AKAP10: variants seen among roughly 807,000 people sequenced by gnomAD.
AKAP10 encodes the protein A-kinase anchoring protein 10, also known as A-kinase anchor protein 10, mitochondrial.
In AKAP10, 24 loss-of-function variants were observed where a neutral mutation model predicts 80.8. The ratio of observed to expected loss-of-function variants is 0.30; its 90% CI spans 0.22 to 0.42. The LOEUF is 0.42. AKAP10 is among the 10% of genes least tolerant of loss of function. AKAP10 has a pLI of 1.00. For synonymous variants in AKAP10, 291 were observed against 277.7 expected (o/e 1.05, Z -0.48); for missense variants, 661 against 794.9 (o/e 0.83, Z 2.03).
intron 10 of AKAP10, among the ~76,000 whole-genome samples, chr17:19,931,544 C>T (rs1330422119): frequency 6.6e-6 from 1 of 151,950 alleles, no homozygotes; most frequent in Non-Finnish European, 1.5e-5. Flanking sequence ...GTGCCTGCCA[C>T]CATGCCCGGC....
At chr17:19,973,013 T>A (rs1183550543) in intron 1 of AKAP10, among the ~76,000 whole-genome samples, 1 of 152,136 alleles carries the variant, frequency 6.6e-6, no homozygotes, top group Non-Finnish European at 1.5e-5. Context: ...GCTTTAAGAC[T>A]CCGTCACCCT....
At position 19,905,926 on chromosome 17, in the gene AKAP10, G is replaced by A; in HGVS notation, c.*301C>T. The A allele has an allele frequency of 2.7e-6, 1 of 374,092 alleles. No individual in the cohort carries two copies. The highest frequency in any genetic ancestry group is 5.0e-6 in the Non-Finnish European group (1 of 201,130). The allele number at this position is 374,092 out of a possible 1,614,324, so 23.2% of individuals were successfully genotyped here. The stretch of plus-strand genomic sequence containing the variant: ...GATGTGGTCCCTGTCTATTCCAGTA[G>A]GCTAAAACACTCTCATAAATGGGTT... On this transcript the variant is annotated 3_prime_UTR_variant, in exon 15 of 15. Coordinates refer to ENST00000225737, the MANE Select transcript of AKAP10 (RefSeq NM_007202.4).
At chr17:19,957,592 A>G (rs1009733550) in intron 4 of AKAP10, among the ~76,000 whole-genome samples, 6 of 152,222 alleles carry the variant, frequency 3.9e-5, no homozygotes, top group African/African-American at 1.4e-4. Flanking sequence ...ACTAATAAAT[A>G]AAATCCAAAT....
chr17:19,953,806 C>CT (rs2043241689), intron 4 of AKAP10, among the ~76,000 whole-genome samples: 1 of 152,024 alleles, frequency 6.6e-6, no homozygotes, highest in Non-Finnish European at 1.5e-5. Flanking sequence ...CCAAGGTGGG[C>CT]TAATCACTTG....
chr17:19,906,111 A>G lies in AKAP10; in HGVS notation c.*116T>C. 2 of 1,171,182 alleles carry G rather than the reference A, an allele frequency of 1.7e-6. No individual in the cohort carries two copies. The highest frequency in any genetic ancestry group is 2.5e-6 in the Non-Finnish European group (2 of 808,670). 72.5% of individuals were successfully genotyped at this position (1,171,182 alleles called of 1,614,324 possible). On this transcript the variant is annotated 3_prime_UTR_variant, in exon 15 of 15. Transcript: ENST00000225737. ...TGTCTCCCATTCTCTCCTGGAAACA[A>G]CAGTGACAGATCAGAAATATAGTGC...
At chr17:19,910,487 T>A (rs1249637105) in intron 12 of AKAP10, among the ~76,000 whole-genome samples, 1 of 152,222 alleles carries the variant, frequency 6.6e-6, no homozygotes, top group African/African-American at 2.4e-5. Context: ...ACAGAGCATT[T>A]AACTTGCAAA....
At position 19,906,019 on chromosome 17, in the gene AKAP10, C is replaced by CA. The variant is rs2042628572; in HGVS notation, c.*207dup. ...TACCATTTTGTATCTTTAAGACTCT[C>CA]ACTGTGTGAACATCATGTGCATCAA... On this transcript the variant is annotated 3_prime_UTR_variant, in exon 15 of 15. Coordinates refer to ENST00000225737, the MANE Select transcript of AKAP10 (RefSeq NM_007202.4). 2 of 565,808 alleles carry CA rather than the reference C, an allele frequency of 3.5e-6. No homozygotes were observed. The highest frequency in any genetic ancestry group is 2.7e-4 in the Middle Eastern group (1 of 3,752). The allele number at this position is 565,808 out of a possible 1,614,324, so 35.0% of individuals were successfully genotyped here. A position where few individuals can be genotyped will look rare whatever the true frequency, so the allele number is the denominator to read the frequency against.
intron 1 of AKAP10, among the ~76,000 whole-genome samples, chr17:19,974,469 T>A (rs759342083): frequency 1.8e-4 from 28 of 152,138 alleles, no homozygotes; most frequent in Non-Finnish European, 2.8e-4. Flanking sequence ...CAATTCTTCT[T>A]CCAATGTGGC....
chr17:19,910,779 T>G (rs1050211180), intron 12 of AKAP10, among the ~76,000 whole-genome samples: 3 of 151,986 alleles, frequency 2.0e-5, no homozygotes, highest in Admixed American at 2.0e-4. Flanking sequence ...TCTAGTTCTC[T>G]AGTCTATATA....
intron 8 of AKAP10, 50 bp from the exon 9 acceptor site, chr17:19,936,480 A>T: frequency 1.3e-6 from 2 of 1,523,080 alleles, no homozygotes; most frequent in Non-Finnish European, 1.8e-6. Context: ...AGCAAGTATA[A>T]GCAACTTTCA....
chr17:19,957,274 G>C (rs1158439557), intron 4 of AKAP10, among the ~76,000 whole-genome samples: 1 of 151,356 alleles, frequency 6.6e-6, no homozygotes, highest in Non-Finnish European at 1.5e-5. Context: ...GGGCGCGGTG[G>C]CTCATGCCTG....
intron 3 of AKAP10, among the ~76,000 whole-genome samples, chr17:19,959,587 C>T (rs187701829): frequency 3.5e-4 from 54 of 152,162 alleles, no homozygotes; most frequent in Non-Finnish European, 5.9e-4. Context: ...TGAAACTAAA[C>T]TTAATAAAAA....
rs539281238 is a variant in AKAP10 at position 19,962,293 on chromosome 17, T to TAC, written c.319+546_319+547insGT. Among the ~76,000 whole-genome samples the TAC allele has an allele frequency of 6.9e-3, 912 of 132,096 alleles. 9 individuals carry two copies. Among genetic ancestry groups the TAC allele is most frequent in the African/African-American group, 0.022 (749 of 34,480 alleles). 86.7% of individuals were successfully genotyped at this position (132,096 alleles called of 152,430 possible). A position where few individuals can be genotyped will look rare whatever the true frequency, so the allele number is the denominator to read the frequency against. On this transcript the variant is annotated intron_variant, in intron 3 of 14. Coordinates refer to ENST00000225737, the MANE Select transcript of AKAP10 (RefSeq NM_007202.4). The stretch of plus-strand genomic sequence containing the variant: ...ATACATACATACATACATACATACA[T>TAC]ATACACACACACACACACACACACA...
At chr17:19,924,293 G>T in intron 11 of AKAP10, 115 bp downstream of exon 11, 1 of 691,008 alleles carries the variant, frequency 1.4e-6, no homozygotes, top group Non-Finnish European at 2.3e-6. Context: ...CACTCTAAGT[G>T]AAAGTTCTGG....
rs376458631 is a variant in AKAP10 at position 19,936,450 on chromosome 17, G to A, written c.1323-20C>T. ...AAGTACCTATGGTAAAAAGATATCC[G>A]AAGTAAAATCAAATTCCATAGCAAG... On this transcript the variant is annotated intron_variant, in intron 8 of 14. Coordinates refer to ENST00000225737, the MANE Select transcript of AKAP10 (RefSeq NM_007202.4). 1.6e-4 allele frequency: 258 copies of A among 1,584,352 alleles called. 4 individuals are homozygous for A. Among genetic ancestry groups the A allele is most frequent in the South Asian group, 1.2e-3 (103 of 88,528 alleles).
chr17:19,951,773 C>T (rs2043217213), intron 4 of AKAP10, among the ~76,000 whole-genome samples: 1 of 152,034 alleles, frequency 6.6e-6, no homozygotes, highest in Admixed American at 6.6e-5. Context: ...GCCGCAGGGT[C>T]CTCTGTCTAG....
rs74461599 is a variant in AKAP10, at chr17:19,963,976, C to T, written c.137-954G>A. On this transcript the variant is annotated intron_variant, in intron 2 of 14. Transcript: ENST00000225737. ...TAGTAGTCTGAAGAAATATCAGTAT[C>T]ACCCCTTTGGCTTCAGAATAAAGAT... Among the ~76,000 whole-genome samples, 19 of 151,886 alleles carry T rather than the reference C, an allele frequency of 1.3e-4. No homozygotes were observed. The East Asian group carries it at 2.9e-3, about 23-fold the overall frequency.
intron 4 of AKAP10, among the ~76,000 whole-genome samples, chr17:19,957,030 A>C (rs548080532): frequency 6.6e-6 from 1 of 152,286 alleles, no homozygotes; most frequent in East Asian, 1.9e-4. Context: ...TGAAGAAATC[A>C]CTTAGCCCTT....
At chr17:19,940,816 A>G (rs1033681938) in intron 7 of AKAP10, 71 bp downstream of exon 7, 3 of 1,482,162 alleles carry the variant, frequency 2.0e-6, no homozygotes, top group Non-Finnish European at 2.7e-6. Flanking sequence ...TTTCCTATAG[A>G]CAGGGCCCCA....
Sources: allele counts gnomAD v4.1 joint callset (sites outside exome capture counted in the v4.1 genomes callset), GRCh38; gene constraint gnomAD v4.1.1; transcripts MANE v1.5; gene names NCBI Gene and HGNC (gene_info 2026-07-23, HGNC 2026-07-21).